PHEX: variants seen among roughly 807,000 people sequenced by gnomAD.
PHEX encodes the protein phosphate regulating endopeptidase X-linked.
Under a neutral mutation model 68.0 loss-of-function variants are expected in PHEX, and 16 were observed. The ratio of observed to expected loss-of-function variants is 0.24; its 90% confidence interval spans 0.16 to 0.36. The LOEUF is 0.36. Among genes scored for constraint, PHEX ranks in the 10% least tolerant of loss-of-function variants. The pLI is 1.00. For synonymous variants in PHEX, 208 were observed against 205.1 expected (o/e 1.01, Z -0.12); for missense variants, 480 against 575.5 (o/e 0.83, Z 1.70).
chrX:22,055,716 A>G (rs763103812), intron 3 of PHEX, among the ~76,000 whole-genome samples: 1 of 111,595 alleles, frequency 9.0e-6, no homozygotes, highest in East Asian at 2.8e-4. Flanking sequence ...CATGTGCCAC[A>G]TGCCCAGCTA....
intron 20 of PHEX, among the ~76,000 whole-genome samples, chrX:22,237,976 T>C (rs1420783302): frequency 8.9e-6 from 1 of 112,653 alleles, no homozygotes; most frequent in Admixed American, 9.4e-5. Flanking sequence ...GGGGCTCTTG[T>C]AGTTTTTCAT....
At chrX:22,094,377 G>T (rs1930042435) in intron 7 of PHEX, among the ~76,000 whole-genome samples, 1 of 112,146 alleles carries the variant, frequency 8.9e-6, no homozygotes, top group African/African-American at 3.2e-5. Context: ...TGTGGCCAAA[G>T]AATAGCAGCA....
chrX:22,102,671 A>G (rs1361951701), intron 9 of PHEX, among the ~76,000 whole-genome samples: 1 of 112,721 alleles, frequency 8.9e-6, no homozygotes, highest in Non-Finnish European at 1.9e-5. Context: ...GTAGGGAAGA[A>G]TAGAGAAAAG....
At chrX:22,194,822 T>C (rs1934311239) in intron 15 of PHEX, among the ~76,000 whole-genome samples, 1 of 111,510 alleles carries the variant, frequency 9.0e-6, no homozygotes, top group South Asian at 3.6e-4. Context: ...GCAACGTCTC[T>C]AGACATGGCA....
chrX:22,133,877 G>A (rs1324088744), intron 12 of PHEX, among the ~76,000 whole-genome samples: 3 of 111,973 alleles, frequency 2.7e-5, no homozygotes, highest in Non-Finnish European at 5.6e-5. Context: ...CCTAATTGCT[G>A]TCTGTAAGAG....
intron 15 of PHEX, among the ~76,000 whole-genome samples, chrX:22,204,874 T>C (rs1187160297): frequency 2.7e-5 from 3 of 111,314 alleles, no homozygotes; most frequent in African/African-American, 9.8e-5. Context: ...TGTGGACTGA[T>C]ACATAGAGTA....
intron 2 of PHEX, among the ~76,000 whole-genome samples, chrX:22,041,277 A>C (rs1329785541): frequency 0.16 from 11,884 of 72,793 alleles, 987 homozygotes; most frequent in Non-Finnish European, 0.18. Context: ...ATATATATAT[A>C]TATATATATA....
At chrX:22,060,389 T>C (rs1421003976) in intron 3 of PHEX, among the ~76,000 whole-genome samples, 2 of 110,747 alleles carry the variant, frequency 1.8e-5, no homozygotes, top group East Asian at 2.8e-4. Flanking sequence ...TGCTGGGAGC[T>C]AAGTCCTAAG....
At chrX:22,036,869 G>A (rs777245344) in intron 1 of PHEX, among the ~76,000 whole-genome samples, 4 of 108,963 alleles carry the variant, frequency 3.7e-5, no homozygotes, top group Non-Finnish European at 5.7e-5. Flanking sequence ...AGGTCGAGGC[G>A]GGCGGATCAT....
chrX:22,247,876 G>A lies in PHEX; in HGVS notation c.2173G>A (p.Glu725Lys), dbSNP rs767518128. The A allele has an allele frequency of 8.3e-7, 1 of 1,205,607 alleles. No homozygotes were observed. The highest frequency in any genetic ancestry group is 3.0e-5 in the East Asian group (1 of 33,781). ...GGTCAATGGTGCAATTAGTAACTTT[G>A]AAGAATTCCAGAAAGCTTTTAACTG... ...FRVNGAISNF[E>K]EFQKAFNCPP... The change falls in exon 22 of 22, where the codon GAA becomes AAA. Residue 725 changes from glutamate (E) to lysine (K), a missense_variant. Glu to Lys is a moderately conservative substitution (Grantham distance 56). Coordinates refer to ENST00000379374, the MANE Select transcript of PHEX (RefSeq NM_000444.6).
chrX:22,223,392 A>G (rs1221387258), intron 18 of PHEX, among the ~76,000 whole-genome samples: 1 of 111,130 alleles, frequency 9.0e-6, no homozygotes, highest in African/African-American at 3.3e-5. Context: ...GAGGCAGACC[A>G]GAGTTCAAGG....
intron 3 of PHEX, among the ~76,000 whole-genome samples, chrX:22,073,244 T>C (rs1928985175): frequency 8.8e-6 from 1 of 113,171 alleles, no homozygotes; most frequent in Admixed American, 9.3e-5. Context: ...TGTAATCCTG[T>C]TTAAGTCACC....
chrX:22,094,131 T>C, intron 7 of PHEX, 32 bp downstream of exon 7: 1 of 802,296 alleles, frequency 1.2e-6, no homozygotes. Context: ...CTTTCTTTCC[T>C]TTACTTTCTT....
intron 11 of PHEX, among the ~76,000 whole-genome samples, chrX:22,126,863 T>TG (rs1433732875): frequency 1.1e-5 from 1 of 90,638 alleles, no homozygotes; most frequent in Non-Finnish European, 2.0e-5. Context: ...CTGAAATAGT[T>TG]GTTTTTTTTT....
At chrX:22,214,713 G>A (rs987763324) in intron 16 of PHEX, among the ~76,000 whole-genome samples, 2 of 112,182 alleles carry the variant, frequency 1.8e-5, no homozygotes, top group African/African-American at 6.5e-5. Flanking sequence ...CAGGCAACTA[G>A]TTTCAGGTGC....
intron 3 of PHEX, among the ~76,000 whole-genome samples, chrX:22,057,602 A>G (rs924372788): frequency 1.8e-5 from 2 of 110,844 alleles, no homozygotes; most frequent in Non-Finnish European, 3.8e-5. Flanking sequence ...AAGAAAAAAA[A>G]AAGAAAGTCC....
chrX:22,133,594 T>A lies in PHEX; in HGVS notation c.1374T>A (p.Asp458Glu). The change falls in exon 12 of 22, where the codon GAT (aspartate) becomes GAA (glutamate). Residue 458 changes from aspartate to glutamate, a missense_variant. Asp to Glu is a conservative substitution (Grantham distance 45). Transcript: ENST00000379374. ...TAGAGAAAGAAAATGAGTGGATGGATGCAGGAACGAAAAGGAAAGCCAAAG... is the reference window on the plus strand; with the variant it reads ...TAGAGAAAGAAAATGAGTGGATGGAAGCAGGAACGAAAAGGAAAGCCAAAG... ...DMLEKENEWMDAGTKRKAKEK... is the reference protein window; with the variant it reads ...DMLEKENEWMEAGTKRKAKEK... 8.3e-7 allele frequency: 1 copy of A among 1,206,470 alleles called. No homozygotes were observed. The highest frequency in any genetic ancestry group is 1.1e-6 in the Non-Finnish European group (1 of 891,068).
intron 3 of PHEX, among the ~76,000 whole-genome samples, chrX:22,058,396 T>C (rs1479269582): frequency 8.9e-6 from 1 of 112,409 alleles, no homozygotes; most frequent in Non-Finnish European, 1.9e-5. Context: ...TGGCACATAG[T>C]AGATGCTTAA....
intron 15 of PHEX, among the ~76,000 whole-genome samples, chrX:22,193,130 T>C (rs1934255281): frequency 9.0e-6 from 1 of 111,175 alleles, no homozygotes; most frequent in African/African-American, 3.3e-5. Flanking sequence ...ATATGTTATA[T>C]GGGAACTTAT....
Sources: gnomAD v4.1 joint callset for allele counts (sites outside exome capture counted in the v4.1 genomes callset) on GRCh38, gnomAD v4.1.1 for gene constraint, MANE v1.5 for transcripts, NCBI Gene and HGNC (gene_info 2026-07-23, HGNC 2026-07-21) for gene names.